Variants in MDM4 observed in about 807,000 individuals in gnomAD.
The protein encoded by MDM4 is MDM4 regulator of p53.
MDM4 carries 2 observed loss-of-function variants against 60.2 expected under a neutral mutation model. The observed-to-expected ratio is 0.03, with a 90% CI of 0.01 to 0.10. The LOEUF (loss-of-function observed/expected upper bound fraction) is 0.10. Ranked by LOEUF, MDM4 falls within the 10% of genes least tolerant of loss-of-function variation. MDM4 has a pLI of 1.00. For synonymous variants in MDM4, 202 were observed against 198.1 expected (o/e 1.02, Z -0.17); for missense variants, 447 against 577.5 (o/e 0.77, Z 2.32).
At chr1:204,518,311 G>A (rs927693675) in intron 1 of MDM4, among the ~76,000 whole-genome samples, 5 of 152,114 alleles carry the variant, frequency 3.3e-5, no homozygotes, top group Non-Finnish European at 5.9e-5. Context: ...ACAGGCCACC[G>A]GCTGCAGTTG....
chr1:204,548,233 A>C (rs1662862531), intron 10 of MDM4, among the ~76,000 whole-genome samples: 1 of 152,254 alleles, frequency 6.6e-6, no homozygotes, highest in Non-Finnish European at 1.5e-5. Flanking sequence ...TTATTTGTAT[A>C]GCATTTTAAA....
rs1663391039 is a variant in MDM4 at position 204,553,911 on chromosome 1, G to A, written c.*4229G>A. 1 of 224,374 alleles carries A rather than the reference G, an allele frequency of 4.5e-6. No homozygotes were observed. The allele number at this position is 224,374 out of a possible 1,614,324, so 13.9% of individuals were successfully genotyped here. A position where few individuals can be genotyped will look rare whatever the true frequency, so the allele number is the denominator to read the frequency against. ...TAATCCTAGGCTTGTACAATGGATT[G>A]GAGTTGAGCCATGCCAGCCTCCACA... On this transcript the variant is annotated 3_prime_UTR_variant, in exon 11 of 11. Coordinates refer to ENST00000367182, the MANE Select transcript of MDM4 (RefSeq NM_002393.5).
intron 3 of MDM4, among the ~76,000 whole-genome samples, chr1:204,530,246 A>G (rs565228080): frequency 6.6e-6 from 1 of 152,228 alleles, no homozygotes; most frequent in Non-Finnish European, 1.5e-5. Flanking sequence ...CTTATTAAAC[A>G]TTGTACTTCA....
chr1:204,525,258 C>T (rs1221137163), intron 1 of MDM4: 1 of 871,636 alleles, frequency 1.1e-6, no homozygotes, highest in Non-Finnish European at 1.4e-6. Flanking sequence ...ACTGTTTCAG[C>T]CTTCACCTGA....
intron 1 of MDM4, chr1:204,525,236 C>A: frequency 3.2e-6 from 2 of 631,068 alleles, no homozygotes; most frequent in Non-Finnish European, 4.0e-6. Flanking sequence ...TTGGAGCGTG[C>A]CTGAAACTGT....
chr1:204,523,832 C>T (rs1031320826), intron 1 of MDM4, among the ~76,000 whole-genome samples: 1 of 152,128 alleles, frequency 6.6e-6, no homozygotes, highest in Non-Finnish European at 1.5e-5. Flanking sequence ...CACACCTGAA[C>T]AAGGGAGGGG....
At chr1:204,546,925 T>C in intron 10 of MDM4, 48 bp downstream of exon 10, 1 of 1,184,670 alleles carries the variant, frequency 8.4e-7, no homozygotes, top group Non-Finnish European at 1.3e-6. Flanking sequence ...CATCTTCAGA[T>C]GATGTAATCC....
At position 204,555,955 on chromosome 1, in the gene MDM4, T is replaced by C. The variant is rs1663510505; in HGVS notation, c.*6273T>C. On this transcript the variant is annotated 3_prime_UTR_variant, in exon 11 of 11. Coordinates refer to ENST00000367182, the MANE Select transcript of MDM4 (RefSeq NM_002393.5). The stretch of plus-strand genomic sequence containing the variant: ...TTTTTTTTAAACAGTTAAGTACTGA[T>C]GTCAACAGACAAATATTTCTGATCA... 4.9e-6 allele frequency: 1 copy of C among 205,270 alleles called. No homozygotes were observed. Among genetic ancestry groups the C allele is most frequent in the Non-Finnish European group, 1.0e-5 (1 of 100,474 alleles). 12.7% of individuals were successfully genotyped at this position (205,270 alleles called of 1,614,324 possible).
rs1558341326 is a variant in MDM4, at chr1:204,551,459, C to CTGTT, written c.*1778_*1779insGTTT. 1 of 151,176 alleles carries CTGTT rather than the reference C, an allele frequency of 6.6e-6. No individual in the cohort carries two copies. Among genetic ancestry groups the CTGTT allele is most frequent in the Non-Finnish European group, 1.1e-5 (1 of 90,372 alleles). 9.4% of individuals were successfully genotyped at this position (151,176 alleles called of 1,614,324 possible). ...ATATACTGGATGGTTGAGAGGCAGC[C>CTGTT]TCTTTTTTTTTTTTTTTTTTTTTTT... On this transcript the variant is annotated 3_prime_UTR_variant, in exon 11 of 11. Coordinates refer to ENST00000367182, the MANE Select transcript of MDM4 (RefSeq NM_002393.5).
Position 204,542,838 on chromosome 1 carries a change from G to T in MDM4, c.566G>T (p.Gly189Val). 6.2e-7 allele frequency: 1 copy of T among 1,614,106 alleles called. No homozygotes were observed. The highest frequency in any genetic ancestry group is 8.5e-7 in the Non-Finnish European group (1 of 1,179,964). ...GATGAAACATCTAGGCTGGACCTTGGATTTGAGGAGTGGGATGTAGCTGGC... is the reference window on the plus strand; with the variant it reads ...GATGAAACATCTAGGCTGGACCTTGTATTTGAGGAGTGGGATGTAGCTGGC... ...AQDETSRLDL[G>V]FEEWDVAGLP... Residue 189 changes from glycine to valine, a missense_variant, in exon 8 of 11, where the codon GGA (glycine) becomes GTA (valine). Gly to Val is a moderately radical substitution (Grantham distance 109). Around this residue, in one of 8 missense-constraint regions of MDM4, gnomAD observed 184 missense variants for 179.3 expected, o/e 1.03. Coordinates refer to ENST00000367182, the MANE Select transcript of MDM4 (RefSeq NM_002393.5).
At chr1:204,532,962 A>G (rs1661021951) in intron 5 of MDM4, 1 of 893,746 alleles carries the variant, frequency 1.1e-6, no homozygotes, top group South Asian at 1.9e-5. Flanking sequence ...ATCACATCAG[A>G]GTCATGTAAG....
chr1:204,539,215 G>T (rs1661761095), intron 7 of MDM4, among the ~76,000 whole-genome samples: 2 of 152,126 alleles, frequency 1.3e-5, no homozygotes, highest in East Asian at 3.9e-4. Flanking sequence ...CGAACTACTG[G>T]CCTCAAATGG....
At chr1:204,544,767 C>A (rs2102429715) in intron 9 of MDM4, 83 bp downstream of exon 9, 7 of 1,242,224 alleles carry the variant, frequency 5.6e-6, no homozygotes, top group Non-Finnish European at 7.8e-6. Context: ...TCTGTTTTTA[C>A]AACAGATTGC....
At chr1:204,545,097 A>G (rs1662517828) in intron 9 of MDM4, among the ~76,000 whole-genome samples, 1 of 152,160 alleles carries the variant, frequency 6.6e-6, no homozygotes. Flanking sequence ...CTCATCAGTT[A>G]TCATTAGTGT....
chr1:204,524,448 A>C (rs1659899011), intron 1 of MDM4, among the ~76,000 whole-genome samples: 1 of 152,198 alleles, frequency 6.6e-6, no homozygotes, highest in Non-Finnish European at 1.5e-5. Context: ...TTTGTTAGAA[A>C]AAGGCATAAA....
intron 1 of MDM4, among the ~76,000 whole-genome samples, chr1:204,524,554 G>A (rs932496720): frequency 5.3e-5 from 8 of 152,180 alleles, no homozygotes; most frequent in Non-Finnish European, 8.8e-5. Flanking sequence ...TGAGGTGGGC[G>A]GATCACGAGG....
chr1:204,536,488 C>T (rs1423785924), intron 5 of MDM4, among the ~76,000 whole-genome samples: 1 of 152,222 alleles, frequency 6.6e-6, no homozygotes, highest in African/African-American at 2.4e-5. Flanking sequence ...CAGCCTTTAT[C>T]AGATGGTGAT....
rs1663593404 is a variant in MDM4, at chr1:204,557,280, T to G, written c.*7598T>G. On this transcript the variant is annotated 3_prime_UTR_variant, in exon 11 of 11. Coordinates refer to ENST00000367182, the MANE Select transcript of MDM4 (RefSeq NM_002393.5). ...CCCATGCTTCTAGTTTAGGTATTCT[T>G]TCTTTGATATGAGGCTCTTGACCAG... The G allele has an allele frequency of 5.2e-6, 1 of 190,720 alleles. No individual in the cohort carries two copies. Among genetic ancestry groups the G allele is most frequent in the African/African-American group, 2.3e-5 (1 of 42,908 alleles). 11.8% of individuals were successfully genotyped at this position (190,720 alleles called of 1,614,324 possible).
At chr1:204,538,456 C>T in intron 7 of MDM4, 148 bp downstream of exon 7, 2 of 598,592 alleles carry the variant, frequency 3.3e-6, no homozygotes, top group Non-Finnish European at 5.9e-6. Flanking sequence ...CTAGTTACTA[C>T]CATTGTTAGC....
Sources: gnomAD v4.1 joint callset for allele counts (sites outside exome capture counted in the v4.1 genomes callset) on GRCh38, gnomAD v4.1.1 for gene constraint, gnomAD v4.1.1 regional missense constraint, MANE v1.5 for transcripts, NCBI Gene and HGNC (gene_info 2026-07-23, HGNC 2026-07-21) for gene names.